CD58: variants seen among roughly 807,000 people sequenced by gnomAD.
CD58 encodes the protein lymphocyte function-associated antigen 3.
CD58 carries 14 observed loss-of-function variants against 27.6 expected under a neutral mutation model. The ratio of observed to expected loss-of-function variants is 0.51; its 90% confidence interval spans 0.34 to 0.79. The LOEUF (loss-of-function observed/expected upper bound fraction) is 0.79. CD58 is among the 30% of genes least tolerant of loss of function. The probability of loss-of-function intolerance (pLI) is 0.02; values close to 1 mark genes in which losing one functional copy is unlikely to be tolerated. For synonymous variants in CD58, 117 were observed against 103.8 expected, an observed-to-expected ratio of 1.13 and a Z score of -0.77; for missense variants, 268 against 301.7, an observed-to-expected ratio of 0.89 and a Z score of 0.83.
rs1429590701 is a variant in CD58 at position 116,524,330 on chromosome 1, A to T, written c.629-2347T>A. On this transcript the variant is annotated intron_variant, in intron 3 of 5. Transcript: ENST00000369489. This position sits in a 1 kb window ranked among gnomAD's most constrained non-coding sequence, Gnocchi z 4.6. ...CTGGGAAGTCTGGGCACACCAGGTA[A>T]CACTGGTCACTCAAATCTGGGTCCA... Among the ~76,000 whole-genome samples, 3 of 152,338 alleles carry T rather than the reference A, an allele frequency of 2.0e-5. No homozygotes were observed. The highest frequency in any genetic ancestry group is 7.2e-5 in the African/African-American group (3 of 41,580).
rs1346736773 is a variant in CD58 at position 116,536,859 on chromosome 1, G to C, written c.365-631C>G. ...CCAAAAGAGTCTTCGCAAGTTGGTA[G>C]CAAAATCGTTTAGCTGCAAATCCTG... On this transcript the variant is annotated intron_variant, in intron 2 of 5. Coordinates refer to ENST00000369489, the MANE Select transcript of CD58 (RefSeq NM_001779.3). This position sits in a 1 kb window ranked among gnomAD's most constrained non-coding sequence, Gnocchi z 5.4. Among the ~76,000 whole-genome samples, 2 of 152,192 alleles carry C rather than the reference G, an allele frequency of 1.3e-5. No individual in the cohort carries two copies. Among genetic ancestry groups the C allele is most frequent in the Non-Finnish European group, 2.9e-5 (2 of 68,038 alleles).
chr1:116,528,587 T>TA lies in CD58; in HGVS notation c.629-6605dup, dbSNP rs1176846285. On this transcript the variant is annotated intron_variant, in intron 3 of 5. Coordinates refer to ENST00000369489, the MANE Select transcript of CD58 (RefSeq NM_001779.3). This position sits in a 1 kb window ranked among gnomAD's most constrained non-coding sequence, Gnocchi z 4.4. ...GTACTCTAGAGAATATCCTCTTGCC[T>TA]ACCCCTTCAAAAAATGTGCCCTTTC... Among the ~76,000 whole-genome samples the TA allele has an allele frequency of 6.6e-5, 10 of 152,296 alleles. No individual in the cohort carries two copies. The East Asian group carries it at 1.9e-3, about 29-fold the overall frequency.
chr1:116,533,839 T>C (rs10802192), intron 3 of CD58: 132,201 of 814,736 alleles, frequency 0.16, 17,317 homozygotes, highest in East Asian at 0.57. Context: ...AACTTCTTCA[T>C]AGAACTTGGC....
At chr1:116,526,738 G>T (rs1461610316) in intron 3 of CD58, among the ~76,000 whole-genome samples, 1 of 152,112 alleles carries the variant, frequency 6.6e-6, no homozygotes, top group Non-Finnish European at 1.5e-5. Flanking sequence ...CTGATATTTT[G>T]CTTGGGATTG....
rs540131005 is a variant in CD58 at position 116,515,331 on chromosome 1, C to T, written c.744-509G>A. Among the ~76,000 whole-genome samples the T allele has an allele frequency of 2.0e-5, 3 of 152,346 alleles. No individual in the cohort carries two copies. The highest frequency in any genetic ancestry group is 2.9e-5 in the Non-Finnish European group (2 of 68,028). ...GCAAGCCCTCAAACCGAGTCCATTT[C>T]CCGGCCTCCTCCCCCGTGGTCTGCG... On this transcript the variant is annotated intron_variant, in intron 5 of 5. Transcript: ENST00000369489. The surrounding 1 kb of genome is among the most constrained non-coding windows in gnomAD (Gnocchi z 4.6).
chr1:116,524,984 T>C lies in CD58; in HGVS notation c.629-3001A>G, dbSNP rs1359981003. ...AAAGTTTGTACATACATCCTGCCCC[T>C]ACACATGCATAGCCTCCCCATTATC... On this transcript the variant is annotated intron_variant, in intron 3 of 5. Coordinates refer to ENST00000369489, the MANE Select transcript of CD58 (RefSeq NM_001779.3). The surrounding 1 kb of genome is among the most constrained non-coding windows in gnomAD (Gnocchi z 4.6). Among the ~76,000 whole-genome samples, 2 of 152,230 alleles carry C rather than the reference T, an allele frequency of 1.3e-5. No individual in the cohort carries two copies. The highest frequency in any genetic ancestry group is 2.9e-5 in the Non-Finnish European group (2 of 68,022).
intron 1 of CD58, among the ~76,000 whole-genome samples, chr1:116,567,568 G>A (rs1188948964): frequency 6.6e-6 from 1 of 152,164 alleles, no homozygotes; most frequent in African/African-American, 2.4e-5. Context: ...AGCCTCAGAG[G>A]TCGAGGCTGG....
At chr1:116,555,228 C>T (rs1420844994) in intron 1 of CD58, among the ~76,000 whole-genome samples, 1 of 152,084 alleles carries the variant, frequency 6.6e-6, no homozygotes, top group Non-Finnish European at 1.5e-5. Flanking sequence ...AAGGCCTCCC[C>T]ACACTAGATC....
At chr1:116,543,792 C>T (rs1455777711) in intron 2 of CD58, among the ~76,000 whole-genome samples, 2 of 151,982 alleles carry the variant, frequency 1.3e-5, no homozygotes, top group East Asian at 1.9e-4. Context: ...CATGGTGGTG[C>T]GGGCCTGTAG....
Sources: allele counts gnomAD v4.1 joint callset (sites outside exome capture counted in the v4.1 genomes callset), GRCh38; gene constraint gnomAD v4.1.1; non-coding constraint Gnocchi (gnomAD v3.1); transcripts MANE v1.5; gene names NCBI Gene and HGNC (gene_info 2026-07-23, HGNC 2026-07-21).